Variants in LINGO2 observed in about 807,000 individuals in gnomAD.
LINGO2 encodes the protein leucine-rich repeat and immunoglobulin-like domain-containing nogo receptor-interacting protein 2.
A neutral mutation model predicts 30.6 loss-of-function variants in LINGO2; 14 were observed. The observed-to-expected ratio is 0.46, with a 90% CI of 0.30 to 0.72. LINGO2 has a LOEUF of 0.72. Among genes scored for constraint, LINGO2 ranks in the 30% least tolerant of loss-of-function variants. The probability of loss-of-function intolerance (pLI) is 0.07; values close to 1 mark genes in which losing one functional copy is unlikely to be tolerated. For missense variants in LINGO2, 729 were observed against 751.7 expected, an observed-to-expected ratio of 0.97 and a Z score of 0.35; for synonymous variants, 317 against 288.5, an observed-to-expected ratio of 1.10 and a Z score of -1.00.
chr9:28,254,720 C>T (rs927841959), intron 4 of LINGO2, among the ~76,000 whole-genome samples: 1 of 152,078 alleles, frequency 6.6e-6, no homozygotes, highest in South Asian at 2.1e-4. Context: ...AAGGCTCTCA[C>T]TCAAACAACC....
chr9:28,728,616 G>A, the LINGO2 span, among the ~76,000 whole-genome samples: 1 of 151,790 alleles, frequency 6.6e-6, no homozygotes, highest in Admixed American at 6.6e-5. Flanking sequence ...ACTTATAATG[G>A]ACGGAAAAAA....
At chr9:28,725,270 G>A in the LINGO2 span, among the ~76,000 whole-genome samples, 50 of 151,860 alleles carry the variant, frequency 3.3e-4, no homozygotes, top group East Asian at 9.3e-3. Flanking sequence ...GGGCTTATTA[G>A]AGTTAATAAG....
At chr9:28,197,425 A>C (rs1033011717) in intron 4 of LINGO2, among the ~76,000 whole-genome samples, 2 of 151,984 alleles carry the variant, frequency 1.3e-5, no homozygotes, top group African/African-American at 4.8e-5. Flanking sequence ...AATTTAGTTT[A>C]TAGTAAAGTG....
chr9:28,051,840 A>G (rs1454125793), intron 4 of LINGO2, among the ~76,000 whole-genome samples: 1 of 152,130 alleles, frequency 6.6e-6, no homozygotes. Context: ...CAAATTAAAA[A>G]AACAGGATAC....
chr9:28,081,290 CAAAA>C (rs79994366), intron 4 of LINGO2, among the ~76,000 whole-genome samples: 1 of 129,522 alleles, frequency 7.7e-6, no homozygotes, highest in African/African-American at 2.9e-5. Context: ...ATTCAATACT[CAAAA>C]AAAAAAAAAA....
At chr9:29,198,858 G>A in the LINGO2 span, among the ~76,000 whole-genome samples, 1 of 152,078 alleles carries the variant, frequency 6.6e-6, no homozygotes, top group African/African-American at 2.4e-5. Flanking sequence ...TCCAGGGGCT[G>A]GGGGAGAAAT....
the LINGO2 span, among the ~76,000 whole-genome samples, chr9:28,935,150 G>A: frequency 1.5e-4 from 23 of 152,088 alleles, 1 homozygote; most frequent in Middle Eastern, 3.4e-3. Flanking sequence ...AAATTCCTGG[G>A]AGACATTTTC....
intron 3 of LINGO2, among the ~76,000 whole-genome samples, chr9:28,336,545 T>C (rs1825595575): frequency 1.3e-5 from 2 of 152,166 alleles, no homozygotes; most frequent in Non-Finnish European, 1.5e-5. Context: ...TGGTTTTATA[T>C]TTTACACTTA....
chr9:28,003,320 T>G (rs1587663502), intron 5 of LINGO2, among the ~76,000 whole-genome samples: 1 of 151,168 alleles, frequency 6.6e-6, no homozygotes, highest in East Asian at 1.9e-4. Flanking sequence ...TAGTTTTTGT[T>G]AACCATATAG....
chr9:28,302,256 C>T (rs1824176521), intron 3 of LINGO2, among the ~76,000 whole-genome samples: 1 of 152,136 alleles, frequency 6.6e-6, no homozygotes, highest in African/African-American at 2.4e-5. Context: ...GTGGTCTCAC[C>T]AGGACTTACA....
At chr9:28,732,730 T>C in the LINGO2 span, among the ~76,000 whole-genome samples, 104 of 152,358 alleles carry the variant, frequency 6.8e-4, no homozygotes, top group Middle Eastern at 3.4e-3. Flanking sequence ...CCCAGTGCAT[T>C]GTAACCATTT....
rs550676814 is a variant in LINGO2, at chr9:28,623,965, T to G, written c.-365+46235A>C. Reference sequence around the variant, plus strand: ...TATGTATGGGGATTACTTATTAAATTTCTTTTTCACATTGTTCATTGTTGG... The same window carrying G: ...TATGTATGGGGATTACTTATTAAATGTCTTTTTCACATTGTTCATTGTTGG... On this transcript the variant is annotated intron_variant, in intron 1 of 5. Transcript: ENST00000379992. Among the ~76,000 whole-genome samples, 61 of 152,204 alleles carry G rather than the reference T, an allele frequency of 4.0e-4. No individual in the cohort carries two copies. In the South Asian group the frequency reaches 0.012, roughly 29 times the overall value.
chr9:28,195,216 A>G (rs1056575122), intron 4 of LINGO2, among the ~76,000 whole-genome samples: 1 of 151,944 alleles, frequency 6.6e-6, no homozygotes. Context: ...ACCAGCTACA[A>G]TATATTTGAC....
the LINGO2 span, among the ~76,000 whole-genome samples, chr9:28,759,525 A>G: frequency 1.3e-5 from 2 of 151,942 alleles, no homozygotes; most frequent in East Asian, 3.9e-4. Context: ...TACTAAAAAT[A>G]CAAAAAATTA....
chr9:28,715,968 C>T, the LINGO2 span, among the ~76,000 whole-genome samples: 1 of 151,746 alleles, frequency 6.6e-6, no homozygotes, highest in Admixed American at 6.6e-5. Flanking sequence ...AGTTGGGGGT[C>T]TAGAAACAAA....
chr9:28,655,622 G>A (rs1828302413), intron 1 of LINGO2, among the ~76,000 whole-genome samples: 2 of 152,062 alleles, frequency 1.3e-5, no homozygotes, highest in South Asian at 2.1e-4. Flanking sequence ...TGTTATGAGA[G>A]GGACCAAGTG....
chr9:29,063,791 A>C, the LINGO2 span, among the ~76,000 whole-genome samples: 1 of 152,182 alleles, frequency 6.6e-6, no homozygotes, highest in Non-Finnish European at 1.5e-5. Flanking sequence ...TTCATTGTAC[A>C]TACTTTTACA....
chr9:28,812,566 C>T, the LINGO2 span, among the ~76,000 whole-genome samples: 2 of 152,118 alleles, frequency 1.3e-5, no homozygotes, highest in Admixed American at 6.6e-5. Flanking sequence ...CACTAAATGT[C>T]CTAGCTACAT....
intron 2 of LINGO2, among the ~76,000 whole-genome samples, chr9:28,412,898 G>T (rs923046618): frequency 6.6e-6 from 1 of 151,926 alleles, no homozygotes; most frequent in South Asian, 2.1e-4. Context: ...TCATCCCTGA[G>T]ACAGCAAGAC....
Sources: allele counts gnomAD v4.1 joint callset (sites outside exome capture counted in the v4.1 genomes callset), GRCh38; gene constraint gnomAD v4.1.1; transcripts MANE v1.5; gene names NCBI Gene and HGNC (gene_info 2026-07-23, HGNC 2026-07-21).